USP32: variants seen among roughly 807,000 people sequenced by gnomAD.
The protein encoded by USP32 is ubiquitin carboxyl-terminal hydrolase 32.
USP32 carries 59 observed loss-of-function variants against 204.8 expected under a neutral mutation model. The observed-to-expected ratio is 0.29, with a 90% CI of 0.23 to 0.36. USP32 has a LOEUF of 0.36. Ranked by LOEUF, USP32 falls within the 10% of genes least tolerant of loss-of-function variation. USP32 has a pLI of 1.00. For missense variants in USP32, 1,160 were observed against 1,946.4 expected, an observed-to-expected ratio of 0.60 and a Z score of 7.60; for synonymous variants, 517 against 678.4, an observed-to-expected ratio of 0.76 and a Z score of 3.70.
chr17:60,296,742 T>C (rs1235425232), intron 3 of USP32, among the ~76,000 whole-genome samples: 1 of 152,184 alleles, frequency 6.6e-6, no homozygotes, highest in East Asian at 1.9e-4. Flanking sequence ...GGGGATTAGT[T>C]ACAGAACCCC....
chr17:60,231,737 A>G (rs2085556683), intron 12 of USP32: 1 of 349,230 alleles, frequency 2.9e-6, no homozygotes, highest in African/African-American at 2.1e-5. Flanking sequence ...CTGCTCCTTC[A>G]TAGTTCTCAA....
At chr17:60,181,886 A>C in intron 31 of USP32, 138 bp from the exon 32 acceptor site, 2 of 1,328,224 alleles carry the variant, frequency 1.5e-6, no homozygotes, top group Non-Finnish European at 2.0e-6. Flanking sequence ...GCTACTCTTT[A>C]GTTCCTATTA....
At chr17:60,321,298 C>T (rs2088106505) in intron 2 of USP32, among the ~76,000 whole-genome samples, 3 of 152,142 alleles carry the variant, frequency 2.0e-5, no homozygotes. Context: ...ATACAAATAC[C>T]ACTGCAAAGA....
Position 60,265,484 on chromosome 17 carries a change from T to C in USP32, c.928-10A>G, listed in dbSNP as rs1174238791. The C allele has an allele frequency of 1.3e-6, 2 of 1,561,792 alleles. No homozygotes were observed. Among genetic ancestry groups the C allele is most frequent in the African/African-American group, 1.4e-5 (1 of 73,798 alleles). On this transcript the variant is annotated splice_polypyrimidine_tract_variant and intron_variant, in intron 8 of 33. Transcript: ENST00000300896. Reference sequence around the variant, plus strand: ...GATCCATATGTAATTCCTTTAAAAATAACCCAAAGGAGTAATTAGAAAACA... The same window carrying C: ...GATCCATATGTAATTCCTTTAAAAACAACCCAAAGGAGTAATTAGAAAACA...
intron 1 of USP32, among the ~76,000 whole-genome samples, chr17:60,381,612 G>C (rs4107651): frequency 6.6e-6 from 1 of 152,070 alleles, no homozygotes; most frequent in East Asian, 1.9e-4. Flanking sequence ...GAAGTCAGTC[G>C]TTTCAGCATG....
chr17:60,185,791 G>A, intron 29 of USP32, 140 bp from the exon 30 acceptor site: 1 of 1,046,642 alleles, frequency 9.6e-7, no homozygotes, highest in Non-Finnish European at 1.3e-6. Context: ...GCTGGGTATG[G>A]TGGCTCATGC....
intron 25 of USP32, among the ~76,000 whole-genome samples, chr17:60,206,466 T>C (rs965215376): frequency 6.7e-6 from 1 of 148,992 alleles, no homozygotes; most frequent in Non-Finnish European, 1.5e-5. Flanking sequence ...CAGAATTCTA[T>C]TGGACAGTGA....
At chr17:60,293,487 C>T (rs2087340048) in intron 4 of USP32, among the ~76,000 whole-genome samples, 2 of 152,136 alleles carry the variant, frequency 1.3e-5, no homozygotes, top group Admixed American at 1.3e-4. Context: ...ACAGCAACTT[C>T]CAGTCAATAT....
chr17:60,356,065 A>G (rs1386649566), intron 1 of USP32, among the ~76,000 whole-genome samples: 1 of 152,152 alleles, frequency 6.6e-6, no homozygotes, highest in African/African-American at 2.4e-5. Flanking sequence ...TCTCAAAAGA[A>G]GTGTCAATAT....
intron 1 of USP32, among the ~76,000 whole-genome samples, chr17:60,374,924 A>G (rs1334699239): frequency 6.6e-6 from 1 of 152,224 alleles, no homozygotes; most frequent in Non-Finnish European, 1.5e-5. Flanking sequence ...AGAAACAGAC[A>G]TCTCAGAAAA....
rs2084114039 is a variant in USP32 at position 60,181,603 on chromosome 17, A to G, written c.4269T>C (p.Ser1423=). 3 of 1,613,996 alleles carry G rather than the reference A, an allele frequency of 1.9e-6. No homozygotes were observed. The African/African-American group carries it at 4.0e-5, about 22-fold the overall frequency. The change falls in exon 32 of 34, where the codon AGT becomes AGC. Residue 1423 remains serine, a synonymous_variant. Transcript: ENST00000300896. ...QIGSKNKLSS[S]KENLDASKEN... ...CTTTGCTGGCATCCAAGTTCTCTTT[A>G]CTACTTGACAGTTTATTTTTGCTGC...
intron 9 of USP32, among the ~76,000 whole-genome samples, chr17:60,264,999 T>C (rs1567813219): frequency 6.6e-6 from 1 of 152,136 alleles, no homozygotes; most frequent in Non-Finnish European, 1.5e-5. Flanking sequence ...TATTCCAACT[T>C]CTATCACTAT....
chr17:60,185,909 T>C, intron 29 of USP32: 1 of 350,808 alleles, frequency 2.9e-6, no homozygotes, highest in Non-Finnish European at 5.3e-6. Context: ...AAAAGAAAAA[T>C]CTAAAAATTA....
At chr17:60,212,622 T>C (rs1337514544) in intron 18 of USP32, among the ~76,000 whole-genome samples, 1 of 151,828 alleles carries the variant, frequency 6.6e-6, no homozygotes, top group African/African-American at 2.4e-5. Flanking sequence ...ATCCCTCAAT[T>C]ACCTACTTGA....
chr17:60,395,426 G>C (rs1291650813), upstream of USP32, among the ~76,000 whole-genome samples: 2 of 152,224 alleles, frequency 1.3e-5, no homozygotes, highest in Non-Finnish European at 2.9e-5. Flanking sequence ...GGAATTTTAA[G>C]TGTTAAACCC....
chr17:60,211,004 C>A lies in USP32; in HGVS notation c.2424+9G>T. On this transcript the variant is annotated intron_variant, in intron 21 of 33. Transcript: ENST00000300896. ...ATTAAATACTTTTATATTATTTTAA[C>A]CTGCTTACCCGAAGCTTTAATGGGG... 1 of 1,594,152 alleles carries A rather than the reference C, an allele frequency of 6.3e-7. No homozygotes were observed. Among genetic ancestry groups the A allele is most frequent in the Non-Finnish European group, 8.5e-7 (1 of 1,172,170 alleles).
chr17:60,199,353 G>C (rs1310215662), intron 26 of USP32, among the ~76,000 whole-genome samples: 3 of 151,950 alleles, frequency 2.0e-5, no homozygotes, highest in Non-Finnish European at 4.4e-5. Flanking sequence ...TAAAAGTAAG[G>C]TAAAATTTTT....
rs2145336560 is a variant in USP32, at chr17:60,178,698, AG to A, written c.*556del. 6.6e-6 allele frequency among the ~76,000 whole-genome samples: 1 copy of A among 152,356 alleles called. No individual in the cohort carries two copies. Among genetic ancestry groups the A allele is most frequent in the South Asian group, 2.1e-4 (1 of 4,830 alleles). ...AACAAAAAGCAAGAAAGACAAAGAA[AG>A]GGTATGGAAACAGTTTAAAAAATAA... is the stretch of plus-strand genomic sequence containing the variant. On this transcript the variant is annotated 3_prime_UTR_variant, in exon 34 of 34. Coordinates refer to ENST00000300896, the MANE Select transcript of USP32 (RefSeq NM_032582.4).
chr17:60,399,326 G>A (rs1041160757), intron 1 of USP32, among the ~76,000 whole-genome samples: 14 of 152,080 alleles, frequency 9.2e-5, no homozygotes, highest in Non-Finnish European at 1.8e-4. Context: ...GCAGAGGAAG[G>A]AGGCAAGAAG....
Sources: allele counts gnomAD v4.1 joint callset (sites outside exome capture counted in the v4.1 genomes callset), GRCh38; gene constraint gnomAD v4.1.1; transcripts MANE v1.5; gene names NCBI Gene and HGNC (gene_info 2026-07-23, HGNC 2026-07-21).